RBMS3: variants seen among roughly 807,000 people sequenced by gnomAD.
RBMS3 encodes the protein RNA binding motif single stranded interacting protein 3, also known as RNA-binding motif, single-stranded-interacting protein 3.
RBMS3 carries 27 observed loss-of-function variants against 66.8 expected under a neutral mutation model. The ratio of observed to expected loss-of-function variants is 0.40; its 90% CI spans 0.30 to 0.56. RBMS3 has a LOEUF of 0.56. Ranked by LOEUF, RBMS3 falls within the 20% of genes least tolerant of loss-of-function variation. RBMS3 has a pLI of 0.40. For synonymous variants in RBMS3, 188 were observed against 183.0 expected (o/e 1.03, Z -0.22); for missense variants, 513 against 549.5 (o/e 0.93, Z 0.66).
chr3:30,001,731 CATT>C (rs1465503748), intron 14 of RBMS3, among the ~76,000 whole-genome samples: 3 of 151,696 alleles, frequency 2.0e-5, no homozygotes, highest in Non-Finnish European at 2.9e-5. Context: ...TTTCCATACT[CATT>C]ATTTCTTCAC....
At chr3:29,435,106 G>A (rs970185074) in intron 2 of RBMS3, 191 bp downstream of exon 2, 18 of 617,894 alleles carry the variant, frequency 2.9e-5, no homozygotes, top group African/African-American at 5.6e-5. Context: ...ACTTTTTGTT[G>A]TTGAGTGGAA....
At chr3:29,681,922 C>G (rs1394242655) in intron 4 of RBMS3, among the ~76,000 whole-genome samples, 1 of 152,134 alleles carries the variant, frequency 6.6e-6, no homozygotes, top group Non-Finnish European at 1.5e-5. Context: ...CTTTGAGGAA[C>G]CACCATACTG....
At chr3:29,305,733 T>C (rs965592210) in intron 1 of RBMS3, among the ~76,000 whole-genome samples, 1 of 152,012 alleles carries the variant, frequency 6.6e-6, no homozygotes, top group African/African-American at 2.4e-5. Flanking sequence ...AGCTTGCCTA[T>C]TGTTGATCCT....
chr3:29,623,176 G>A (rs1310554363), intron 4 of RBMS3, among the ~76,000 whole-genome samples: 1 of 141,992 alleles, frequency 7.0e-6, no homozygotes, highest in African/African-American at 2.6e-5. Flanking sequence ...TAACTTGGGG[G>A]GGGGGGTCTA....
intron 1 of RBMS3, among the ~76,000 whole-genome samples, chr3:29,289,589 A>C (rs1418835923): frequency 2.0e-5 from 3 of 151,876 alleles, no homozygotes; most frequent in Admixed American, 2.0e-4. Context: ...AAATATATCA[A>C]ATTCTCAAGG....
intron 1 of RBMS3, among the ~76,000 whole-genome samples, chr3:29,408,108 T>C (rs891804386): frequency 1.3e-5 from 2 of 151,294 alleles, no homozygotes; most frequent in Admixed American, 6.6e-5. Context: ...CCGTCTCTAC[T>C]AAAAATACAA....
chr3:29,635,754 C>T (rs545689249), intron 4 of RBMS3, among the ~76,000 whole-genome samples: 12 of 151,944 alleles, frequency 7.9e-5, no homozygotes, highest in East Asian at 1.9e-4. Flanking sequence ...TCTCTTGAAA[C>T]GTTAGGGTTT....
chr3:29,713,718 C>G (rs1331822621), intron 4 of RBMS3, among the ~76,000 whole-genome samples: 1 of 152,056 alleles, frequency 6.6e-6, no homozygotes, highest in Non-Finnish European at 1.5e-5. Context: ...ATATACTGTC[C>G]TGAGAGCAGT....
At chr3:29,649,395 A>T (rs926890408) in intron 4 of RBMS3, among the ~76,000 whole-genome samples, 43 of 152,312 alleles carry the variant, frequency 2.8e-4, no homozygotes, top group African/African-American at 1.0e-3. Flanking sequence ...AAATTCTAAC[A>T]CATGACATTT....
intron 1 of RBMS3, among the ~76,000 whole-genome samples, chr3:29,421,195 AC>A (rs1436097796): frequency 1.3e-5 from 2 of 152,172 alleles, no homozygotes; most frequent in Non-Finnish European, 2.9e-5. Context: ...CAAAGCAAAA[AC>A]AAAACAAAAG....
chr3:29,666,307 C>T (rs2050753867), intron 4 of RBMS3, among the ~76,000 whole-genome samples: 1 of 152,160 alleles, frequency 6.6e-6, no homozygotes, highest in Non-Finnish European at 1.5e-5. Context: ...TGTCTGTTTT[C>T]AACCACTAGA....
intron 3 of RBMS3, among the ~76,000 whole-genome samples, chr3:29,560,634 A>C (rs1291971879): frequency 2.0e-5 from 3 of 152,272 alleles, no homozygotes; most frequent in African/African-American, 7.2e-5. Flanking sequence ...TCAATAACAT[A>C]CAATGGAATT....
intron 5 of RBMS3, among the ~76,000 whole-genome samples, chr3:29,744,321 GT>G (rs1267969180): frequency 6.6e-6 from 1 of 151,980 alleles, no homozygotes; most frequent in Non-Finnish European, 1.5e-5. Flanking sequence ...AAGGTTTTGG[GT>G]TTTTTTAAAT....
At chr3:29,413,710 G>T (rs950591048) in intron 1 of RBMS3, among the ~76,000 whole-genome samples, 1 of 152,112 alleles carries the variant, frequency 6.6e-6, no homozygotes, top group African/African-American at 2.4e-5. Flanking sequence ...GATCCTCAGT[G>T]CTGGATTTCC....
At chr3:29,437,769 C>T (rs975126185) in intron 2 of RBMS3, among the ~76,000 whole-genome samples, 1 of 152,100 alleles carries the variant, frequency 6.6e-6, no homozygotes, top group Admixed American at 6.6e-5. Context: ...ACGTTGGTTT[C>T]CCCCATATAC....
chr3:29,293,697 C>A (rs2033008215), intron 1 of RBMS3, among the ~76,000 whole-genome samples: 1 of 151,526 alleles, frequency 6.6e-6, no homozygotes, highest in African/African-American at 2.4e-5. Context: ...CCCAGATTGT[C>A]CTTCCTAGGG....
chr3:29,502,403 A>T (rs2044008431), intron 3 of RBMS3, among the ~76,000 whole-genome samples: 2 of 152,140 alleles, frequency 1.3e-5, no homozygotes, highest in Non-Finnish European at 2.9e-5. Flanking sequence ...AATCCCAATA[A>T]GTAAGACTAG....
chr3:29,797,392 A>T (rs1204688259), intron 6 of RBMS3, among the ~76,000 whole-genome samples: 3 of 152,142 alleles, frequency 2.0e-5, no homozygotes, highest in African/African-American at 7.2e-5. Flanking sequence ...GAGAGTTAAG[A>T]TCTTGCTCTG....
chr3:29,664,594 A>G (rs2050680944), intron 4 of RBMS3, among the ~76,000 whole-genome samples: 1 of 152,110 alleles, frequency 6.6e-6, no homozygotes, highest in Non-Finnish European at 1.5e-5. Flanking sequence ...TCAAATGGAA[A>G]TGGTATGATA....
Sources: allele counts gnomAD v4.1 joint callset (sites outside exome capture counted in the v4.1 genomes callset), GRCh38; gene constraint gnomAD v4.1.1; transcripts MANE v1.5; gene names NCBI Gene and HGNC (gene_info 2026-07-23, HGNC 2026-07-21).